ORC5: variants seen among roughly 807,000 people sequenced by gnomAD.
The protein encoded by ORC5 is protein phosphatase 1, regulatory subunit 117.
In ORC5, 39 loss-of-function variants were observed where a neutral mutation model predicts 58.8. That is an observed-to-expected ratio of 0.66 (90% CI 0.51 to 0.87). The LOEUF is 0.87. Among genes scored for constraint, ORC5 ranks in the 40% least tolerant of loss-of-function variants. ORC5 has a pLI of 0.00. For missense variants in ORC5, 493 were observed against 506.3 expected, an observed-to-expected ratio of 0.97 and a Z score of 0.25; for synonymous variants, 218 against 177.6, an observed-to-expected ratio of 1.23 and a Z score of -1.81.
Position 104,137,477 on chromosome 7 carries a change from G to A in ORC5, c.1150-584C>T, listed in dbSNP as rs149477771. On this transcript the variant is annotated intron_variant, in intron 12 of 13. Transcript: ENST00000297431. ...CTCCAAGTCTGAGCCCACAGACCTA[G>A]GTAAGGGCTGGCATTTCAGTTTTTG... Among the ~76,000 whole-genome samples, 280 of 152,080 alleles carry A rather than the reference G, an allele frequency of 1.8e-3. 1 individual carries two copies. Among genetic ancestry groups the A allele is most frequent in the African/African-American group, 6.5e-3 (270 of 41,458 alleles).
intron 12 of ORC5, among the ~76,000 whole-genome samples, chr7:104,157,997 G>C (rs188315086): frequency 6.6e-6 from 1 of 152,004 alleles, no homozygotes; most frequent in East Asian, 1.9e-4. Context: ...TAAGATATCA[G>C]GTGATTTTAA....
chr7:104,195,903 T>G (rs1799789937), intron 4 of ORC5, among the ~76,000 whole-genome samples: 1 of 152,226 alleles, frequency 6.6e-6, no homozygotes, highest in Non-Finnish European at 1.5e-5. Flanking sequence ...TCTCATCTAT[T>G]CATCTGATAA....
At chr7:104,205,564 T>G (rs1287061362) in intron 1 of ORC5, among the ~76,000 whole-genome samples, 1 of 152,152 alleles carries the variant, frequency 6.6e-6, no homozygotes, top group Admixed American at 6.5e-5. Context: ...GGAACTCAGA[T>G]TTACGCAGGA....
At chr7:104,171,242 C>G (rs1048649538) in intron 8 of ORC5, among the ~76,000 whole-genome samples, 9 of 152,328 alleles carry the variant, frequency 5.9e-5, no homozygotes, top group African/African-American at 2.2e-4. Flanking sequence ...AAATGTTCAT[C>G]AACTAAACTG....
chr7:104,207,448 A>G (rs930599773), intron 1 of ORC5, among the ~76,000 whole-genome samples: 8 of 152,208 alleles, frequency 5.3e-5, no homozygotes, highest in Non-Finnish European at 1.2e-4. Flanking sequence ...ACTCACTCCA[A>G]CTACCGCACA....
At chr7:104,184,260 T>G (rs1799496045) in intron 6 of ORC5, 89 bp from the exon 7 acceptor site, 4 of 794,786 alleles carry the variant, frequency 5.0e-6, no homozygotes, top group Non-Finnish European at 7.6e-6. Context: ...TGTATTGCAG[T>G]TCAGGAAATT....
chr7:104,204,225 A>G lies in ORC5; in HGVS notation c.82T>C (p.Phe28Leu). 1 of 1,589,406 alleles carries G rather than the reference A, an allele frequency of 6.3e-7. No individual in the cohort carries two copies. The highest frequency in any genetic ancestry group is 8.6e-7 in the Non-Finnish European group (1 of 1,161,622). Residue 28 changes from phenylalanine (F) to leucine (L), a missense_variant, in exon 2 of 14, where the codon TTC becomes CTC. Physicochemically the swap from Phe to Leu is conservative, Grantham distance 22 (BLOSUM62 0). Transcript: ENST00000297431. ...LQSLFGERHH[F>L]SFPSIFIYGH... ...TAAATAAAAATGGATGGAAAGCTGA[A>G]ATGATGTCTCTAACGAGAGAAAAGA... is the stretch of plus-strand genomic sequence containing the variant.
At chr7:104,195,515 T>C (rs1355702422) in intron 4 of ORC5, among the ~76,000 whole-genome samples, 1 of 152,172 alleles carries the variant, frequency 6.6e-6, no homozygotes, top group Non-Finnish European at 1.5e-5. Context: ...GATCCTCCTA[T>C]ACCTCTCAAG....
intron 12 of ORC5, among the ~76,000 whole-genome samples, chr7:104,159,848 C>T (rs1798994880): frequency 1.3e-5 from 2 of 152,112 alleles, no homozygotes; most frequent in African/African-American, 4.8e-5. Flanking sequence ...TCTAGAGTTA[C>T]CGCAACAGTA....
At chr7:104,144,245 T>C (rs1301460132) in intron 12 of ORC5, among the ~76,000 whole-genome samples, 3 of 152,242 alleles carry the variant, frequency 2.0e-5, no homozygotes, top group Non-Finnish European at 4.4e-5. Context: ...GATTAATTAG[T>C]GGAGTCAACA....
chr7:104,203,015 C>G (rs1026582067), intron 2 of ORC5, among the ~76,000 whole-genome samples: 3 of 152,150 alleles, frequency 2.0e-5, no homozygotes, highest in South Asian at 4.2e-4. Context: ...AGGGGGGCAT[C>G]TGATACAGCC....
intron 6 of ORC5, chr7:104,187,957 T>C: frequency 9.8e-7 from 1 of 1,022,104 alleles, no homozygotes; most frequent in African/African-American, 1.7e-5. Context: ...TTTTATGGAG[T>C]TCTGCATTTT....
At chr7:104,156,738 TAAA>T (rs1347504990) in intron 12 of ORC5, among the ~76,000 whole-genome samples, 3 of 151,992 alleles carry the variant, frequency 2.0e-5, no homozygotes, top group South Asian at 2.1e-4. Context: ...TTATAACTAA[TAAA>T]AAGCAATTTA....
At chr7:104,140,652 G>A (rs1798657428) in intron 12 of ORC5, among the ~76,000 whole-genome samples, 1 of 152,178 alleles carries the variant, frequency 6.6e-6, no homozygotes, top group Non-Finnish European at 1.5e-5. Context: ...GAGTGAAAAT[G>A]ACCATGGTGG....
chr7:104,193,962 T>C (rs1156606809), intron 5 of ORC5, among the ~76,000 whole-genome samples: 1 of 151,740 alleles, frequency 6.6e-6, no homozygotes, highest in East Asian at 1.9e-4. Flanking sequence ...CTGTAATTAC[T>C]TACATTAATT....
intron 12 of ORC5, among the ~76,000 whole-genome samples, chr7:104,146,543 A>G (rs1798755160): frequency 1.3e-5 from 2 of 152,228 alleles, no homozygotes; most frequent in Admixed American, 6.5e-5. Context: ...TCCTGACTCA[A>G]AGAAGTTAAT....
rs1349518383 is a variant in ORC5, at chr7:104,133,524, T to C, written c.1262+3257A>G. 6.6e-6 allele frequency among the ~76,000 whole-genome samples: 1 copy of C among 152,030 alleles called. No individual in the cohort carries two copies. The highest frequency in any genetic ancestry group is 1.5e-5 in the Non-Finnish European group (1 of 68,016). On this transcript the variant is annotated intron_variant, in intron 13 of 13. Transcript: ENST00000297431. The surrounding 1 kb of genome is among the most constrained non-coding windows in gnomAD (Gnocchi z 4.7). ...TTTTGTTGGTGGGTTGAAGCAGAGG[T>C]TAGAATTCCTAAGTTCAGTTTTGGA... is the stretch of plus-strand genomic sequence containing the variant.
chr7:104,139,849 T>C (rs191598581), intron 12 of ORC5, among the ~76,000 whole-genome samples: 39 of 152,150 alleles, frequency 2.6e-4, no homozygotes, highest in East Asian at 1.2e-3. Context: ...ATTTGTATTG[T>C]TAAATCTTAT....
At position 104,195,272 on chromosome 7, in the gene ORC5, T is replaced by G. The variant is rs185226763; in HGVS notation, c.442-18A>C. The G allele has an allele frequency of 2.9e-3, 4,133 of 1,420,306 alleles. 17 individuals are homozygous for G. The highest frequency in any genetic ancestry group is 3.7e-3 in the Non-Finnish European group (3,876 of 1,048,016). 88.0% of individuals were successfully genotyped at this position (1,420,306 alleles called of 1,614,324 possible). A position where few individuals can be genotyped will look rare whatever the true frequency, so the allele number is the denominator to read the frequency against. On this transcript the variant is annotated intron_variant, in intron 4 of 13. Transcript: ENST00000297431. ...CTGTCAGCCTGTAAAAAGAAAGAAATAAAAGTAACTTCGCATTTAAAAATC... is the reference window on the plus strand; with the variant it reads ...CTGTCAGCCTGTAAAAAGAAAGAAAGAAAAGTAACTTCGCATTTAAAAATC...
Sources: allele counts gnomAD v4.1 joint callset (sites outside exome capture counted in the v4.1 genomes callset), GRCh38; gene constraint gnomAD v4.1.1; non-coding constraint Gnocchi (gnomAD v3.1); transcripts MANE v1.5; gene names NCBI Gene and HGNC (gene_info 2026-07-23, HGNC 2026-07-21).